Variants in TSPAN7 observed in about 807,000 individuals in gnomAD.
TSPAN7 encodes tetraspanin-7.
TSPAN7 carries 1 observed loss-of-function variant against 17.6 expected under a neutral mutation model. That is an observed-to-expected ratio of 0.06 (90% CI 0.02 to 0.27). The LOEUF (loss-of-function observed/expected upper bound fraction) is 0.27, where lower values mean the gene tolerates loss of function less well. Ranked by LOEUF, TSPAN7 falls within the 10% of genes least tolerant of loss-of-function variation. The probability of loss-of-function intolerance (pLI) is 1.00; values close to 1 mark genes in which losing one functional copy is unlikely to be tolerated. For synonymous variants in TSPAN7, 78 were observed against 79.0 expected, an observed-to-expected ratio of 0.99 and a Z score of 0.07; for missense variants, 112 against 201.7, an observed-to-expected ratio of 0.56 and a Z score of 2.69.
chrX:38,595,160 AG>A (rs1311879011), intron 1 of TSPAN7, among the ~76,000 whole-genome samples: 1 of 111,540 alleles, frequency 9.0e-6, no homozygotes, highest in Non-Finnish European at 1.9e-5. Flanking sequence ...TGGGACAAAT[AG>A]TTCTTTTTGT....
chrX:38,660,088 C>G (rs1443934320), intron 1 of TSPAN7, among the ~76,000 whole-genome samples: 4 of 110,322 alleles, frequency 3.6e-5, no homozygotes, highest in Non-Finnish European at 7.6e-5. Flanking sequence ...CTGCCTCTGC[C>G]TTCCAAAGTG....
intron 3 of TSPAN7, 69 bp from the exon 4 acceptor site, chrX:38,674,152 A>G: frequency 3.5e-6 from 3 of 849,081 alleles, no homozygotes; most frequent in Non-Finnish European, 5.2e-6. Flanking sequence ...TTAGGGTAGA[A>G]TTTGGTAAGA....
chrX:38,659,773 A>T (rs67384154), intron 1 of TSPAN7, among the ~76,000 whole-genome samples: 4,599 of 106,437 alleles, frequency 0.043, 269 homozygotes, highest in African/African-American at 0.15. Flanking sequence ...CTGGGATTAC[A>T]GGCGTGAGCC....
intron 2 of TSPAN7, among the ~76,000 whole-genome samples, chrX:38,666,901 C>T (rs989721913): frequency 8.9e-6 from 1 of 111,938 alleles, no homozygotes; most frequent in African/African-American, 3.2e-5. Flanking sequence ...TGCCCGGCCT[C>T]GCCCTGTTTC....
intron 1 of TSPAN7, among the ~76,000 whole-genome samples, chrX:38,638,330 A>G (rs963951231): frequency 3.6e-5 from 4 of 112,391 alleles, no homozygotes; most frequent in African/African-American, 1.3e-4. Context: ...ACCTATAAAA[A>G]GGTTTTTCAC....
intron 1 of TSPAN7, among the ~76,000 whole-genome samples, chrX:38,610,373 G>GTT: frequency 8.9e-6 from 1 of 112,242 alleles, no homozygotes; most frequent in African/African-American, 3.2e-5. Context: ...CATGGCATAT[G>GTT]TAAACATACA....
intron 1 of TSPAN7, chrX:38,646,167 C>A: frequency 1.2e-6 from 1 of 816,462 alleles, no homozygotes; most frequent in Non-Finnish European, 1.6e-6. Flanking sequence ...CCTGTAAATA[C>A]ATTAAAACTC....
intron 1 of TSPAN7, among the ~76,000 whole-genome samples, chrX:38,574,413 CT>C (rs2147396661): frequency 8.9e-6 from 1 of 111,849 alleles, no homozygotes; most frequent in East Asian, 2.8e-4. Context: ...TAATTAATTT[CT>C]TTTTATTATT....
At chrX:38,622,616 G>A (rs1354634885) in intron 1 of TSPAN7, among the ~76,000 whole-genome samples, 3 of 112,437 alleles carry the variant, frequency 2.7e-5, no homozygotes, top group African/African-American at 9.7e-5. Context: ...ATTCTGACTG[G>A]TATGTGATGT....
rs1038583627 is a variant in TSPAN7 at position 38,592,875 on chromosome X, A to G, written c.81+31248A>G. Among the ~76,000 whole-genome samples the G allele has an allele frequency of 5.4e-5, 6 of 111,089 alleles. No individual in the cohort carries two copies. In the East Asian group the frequency reaches 1.7e-3, roughly 31 times the overall value. On this transcript the variant is annotated intron_variant, in intron 1 of 7. Coordinates refer to ENST00000378482, the MANE Select transcript of TSPAN7 (RefSeq NM_004615.4). The stretch of plus-strand genomic sequence containing the variant: ...CCAAGCAGTTATTTCAGTGCCCTTC[A>G]TTCCTTTACATAGACCCATATTTAT...
chrX:38,653,557 C>A (rs1291460256), intron 1 of TSPAN7, among the ~76,000 whole-genome samples: 1 of 112,115 alleles, frequency 8.9e-6, no homozygotes, highest in Non-Finnish European at 1.9e-5. Flanking sequence ...ATGTGTTTGT[C>A]AAGCTTTATT....
intron 6 of TSPAN7, among the ~76,000 whole-genome samples, chrX:38,685,876 A>G (rs1480995072): frequency 8.9e-6 from 1 of 111,827 alleles, no homozygotes; most frequent in Non-Finnish European, 1.9e-5. Flanking sequence ...GAAGTCCTGG[A>G]ACCAATCTCC....
At chrX:38,675,045 C>T (rs933102568) in intron 4 of TSPAN7, among the ~76,000 whole-genome samples, 7 of 111,951 alleles carry the variant, frequency 6.3e-5, no homozygotes, top group Middle Eastern at 4.2e-3. Flanking sequence ...ATTTTTGCCC[C>T]GTTTGCTTTA....
rs140819635 is a variant in TSPAN7 at position 38,665,948 on chromosome X, G to A, written c.82-173G>A. ...GTTTATTGGGGAAAATAAATGAAGT[G>A]TCTTTATGATGATTTTAGTTAACAC... On this transcript the variant is annotated intron_variant, in intron 1 of 7. Coordinates refer to ENST00000378482, the MANE Select transcript of TSPAN7 (RefSeq NM_004615.4). 645 of 474,084 alleles carry A rather than the reference G, an allele frequency of 1.4e-3. 6 individuals are homozygous for A. In the East Asian group the frequency reaches 0.021, roughly 16 times the overall value. The allele number at this position is 474,084 out of a possible 1,213,427, so 39.1% of individuals were successfully genotyped here.
chrX:38,591,288 C>T lies in TSPAN7; in HGVS notation c.81+29661C>T, dbSNP rs753927922. Among the ~76,000 whole-genome samples, 23 of 110,493 alleles carry T rather than the reference C, an allele frequency of 2.1e-4. 2 individuals are homozygous for T. In the South Asian group the frequency reaches 7.7e-3, roughly 37 times the overall value. On this transcript the variant is annotated intron_variant, in intron 1 of 7. Coordinates refer to ENST00000378482, the MANE Select transcript of TSPAN7 (RefSeq NM_004615.4). ...TCTCTTTTGATTTTTTTCTTTAATC[C>T]GTGGATGACTTGGAAGTGTATTATT...
intron 1 of TSPAN7, among the ~76,000 whole-genome samples, chrX:38,578,086 G>A (rs2069206648): frequency 9.0e-6 from 1 of 111,094 alleles, no homozygotes; most frequent in African/African-American, 3.3e-5. Context: ...TAACCAAAAT[G>A]GGTGATCAGG....
intron 4 of TSPAN7, 118 bp from the exon 5 acceptor site, chrX:38,675,587 T>C (rs1476517896): frequency 3.5e-6 from 3 of 862,969 alleles, no homozygotes; most frequent in Non-Finnish European, 5.0e-6. Flanking sequence ...TCACCAAAGC[T>C]GCACATGTTG....
At chrX:38,579,872 A>G (rs756858225) in intron 1 of TSPAN7, among the ~76,000 whole-genome samples, 39 of 111,363 alleles carry the variant, frequency 3.5e-4, no homozygotes, top group African/African-American at 1.3e-3. Context: ...ATGCCCCTAC[A>G]TCTCCTCCTC....
chrX:38,580,463 T>C (rs988180267), intron 1 of TSPAN7, among the ~76,000 whole-genome samples: 2 of 112,214 alleles, frequency 1.8e-5, no homozygotes, highest in East Asian at 5.5e-4. Context: ...ATTCTTGATT[T>C]AGTTTTTCTC....
Sources: allele counts gnomAD v4.1 joint callset (sites outside exome capture counted in the v4.1 genomes callset), GRCh38; gene constraint gnomAD v4.1.1; transcripts MANE v1.5; gene names NCBI Gene and HGNC (gene_info 2026-07-23, HGNC 2026-07-21).